The following FAM53A variants were observed in gnomAD, a reference collection of about 807,000 sequenced individuals.
FAM53A encodes protein FAM53A.
A neutral mutation model predicts 26.6 loss-of-function variants in FAM53A; 28 were observed. That is an observed-to-expected ratio of 1.05 (90% CI 0.78 to 1.45). FAM53A has a LOEUF of 1.45. Ranked by LOEUF, FAM53A falls within the 40% of genes most tolerant of loss-of-function variation. The pLI is 0.00. For synonymous variants in FAM53A, 290 were observed against 253.1 expected (o/e 1.15, Z -1.38); for missense variants, 650 against 575.8 (o/e 1.13, Z -1.32).
chr4:1,676,056 A>C (rs932936354), intron 1 of FAM53A, among the ~76,000 whole-genome samples: 1 of 152,260 alleles, frequency 6.6e-6, no homozygotes, highest in African/African-American at 2.4e-5. Context: ...TCTGTGTTTT[A>C]ATTTAATTCG....
intron 1 of FAM53A, among the ~76,000 whole-genome samples, chr4:1,633,901 T>TG (rs1715722477): frequency 6.6e-6 from 1 of 151,900 alleles, no homozygotes. Context: ...GGGGCATGAC[T>TG]GGGGGGTCTG....
At position 1,678,495 on chromosome 4, in the gene FAM53A, A is replaced by G. The variant is rs146294568; in HGVS notation, c.-165+5738T>C. 1.1e-3 allele frequency among the ~76,000 whole-genome samples: 167 copies of G among 152,332 alleles called. 1 individual carries two copies. The highest frequency in any genetic ancestry group is 3.7e-3 in the African/African-American group (155 of 41,564). On this transcript the variant is annotated intron_variant, in intron 1 of 4. Transcript: ENST00000308132. ...ATAGAGAACAGAGAGTCTTTTCAACAAGTGCTGCTGAAAAACTAGACATCC... is the reference window on the plus strand; with the variant it reads ...ATAGAGAACAGAGAGTCTTTTCAACGAGTGCTGCTGAAAAACTAGACATCC...
rs192164064 is a variant in FAM53A at position 1,619,882 on chromosome 4, G to T, written c.432-1771C>A. 1.0e-3 allele frequency among the ~76,000 whole-genome samples: 153 copies of T among 152,260 alleles called. 1 individual carries two copies. Among genetic ancestry groups the T allele is most frequent in the East Asian group, 3.9e-3 (20 of 5,176 alleles). ...GCGATCATCTAAGCTGTCCTCTCTC[G>T]CCTCATGGTCTCCACATTTCCTTAT... On this transcript the variant is annotated intron_variant, in intron 1 of 1. Transcript: ENST00000489029.
At chr4:1,681,506 G>C (rs559100952) in intron 1 of FAM53A, among the ~76,000 whole-genome samples, 1 of 150,358 alleles carries the variant, frequency 6.7e-6, no homozygotes, top group Non-Finnish European at 1.5e-5. Context: ...ACCCAACAAA[G>C]GAGAAGAAAC....
intron 2 of FAM53A, among the ~76,000 whole-genome samples, chr4:1,663,072 G>A (rs926526211): frequency 6.6e-6 from 1 of 152,206 alleles, no homozygotes; most frequent in Middle Eastern, 3.4e-3. Context: ...GGTGGCATGC[G>A]CCTGTAGTCC....
rs75539803 is a variant in FAM53A at position 1,674,367 on chromosome 4, A to G, written c.-164-5462T>C. Among the ~76,000 whole-genome samples, 964 of 152,262 alleles carry G rather than the reference A, an allele frequency of 6.3e-3. 13 individuals are homozygous for G. Among genetic ancestry groups the G allele is most frequent in the African/African-American group, 0.022 (917 of 41,546 alleles). On this transcript the variant is annotated intron_variant, in intron 1 of 4. Coordinates refer to ENST00000308132, the MANE Select transcript of FAM53A (RefSeq NM_001174070.3). ...TAATCATATGACTTCATCTTAATGT[A>G]CATTAATTGCAAAAGCATCTGGCCG...
At chr4:1,645,689 C>G (rs1362803287) in intron 4 of FAM53A, among the ~76,000 whole-genome samples, 1 of 152,204 alleles carries the variant, frequency 6.6e-6, no homozygotes, top group East Asian at 1.9e-4. Context: ...AGCAGTGCGC[C>G]CCCTGCCCAG....
chr4:1,672,972 G>A (rs1714789523), intron 1 of FAM53A, among the ~76,000 whole-genome samples: 1 of 152,096 alleles, frequency 6.6e-6, no homozygotes, highest in Admixed American at 6.6e-5. Context: ...ATTTCGCCAT[G>A]TTGGCCAGGC....
At chr4:1,587,083 GTTAT>G in the FAM53A span, among the ~76,000 whole-genome samples, 18 of 152,228 alleles carry the variant, frequency 1.2e-4, no homozygotes, top group South Asian at 3.3e-3. Flanking sequence ...TTTCAATCAG[GTTAT>G]TTGTTTTCCT....
chr4:1,625,880 T>C (rs115419637), intron 1 of FAM53A, among the ~76,000 whole-genome samples: 5,461 of 152,230 alleles, frequency 0.036, 275 homozygotes, highest in African/African-American at 0.12. Flanking sequence ...GCACAGGTCA[T>C]GTCTGGGCAG....
downstream of FAM53A, among the ~76,000 whole-genome samples, chr4:1,615,663 C>T (rs559203650): frequency 1.0e-3 from 151 of 151,464 alleles, no homozygotes; most frequent in African/African-American, 3.5e-3. Flanking sequence ...CACGCCCATC[C>T]CACCTGGGCG....
chr4:1,625,078 A>AG (rs1375543700), intron 1 of FAM53A, among the ~76,000 whole-genome samples: 3 of 115,402 alleles, frequency 2.6e-5, no homozygotes, highest in Admixed American at 8.7e-5. Flanking sequence ...CCACGTGGTC[A>AG]GGGTCACGCC....
Position 1,644,064 on chromosome 4 carries a change from C to G in FAM53A, c.883-2457G>C, listed in dbSNP as rs924323513. 12 of 1,307,930 alleles carry G rather than the reference C, an allele frequency of 9.2e-6. No individual in the cohort carries two copies. In the Admixed American group the frequency reaches 3.0e-4, roughly 32 times the overall value. 81.0% of individuals were successfully genotyped at this position (1,307,930 alleles called of 1,614,324 possible). Reference sequence around the variant, plus strand: ...CGTGGAGGTCCGGGTCTCACCAGCTCGGTCTGGTGTCACCCGTGACCTTGC... The same window carrying G: ...CGTGGAGGTCCGGGTCTCACCAGCTGGGTCTGGTGTCACCCGTGACCTTGC... On this transcript the variant is annotated intron_variant, in intron 4 of 4. Coordinates refer to ENST00000308132, the MANE Select transcript of FAM53A (RefSeq NM_001174070.3).
At chr4:1,600,929 C>G in the FAM53A span, among the ~76,000 whole-genome samples, 3 of 152,214 alleles carry the variant, frequency 2.0e-5, no homozygotes, top group Non-Finnish European at 4.4e-5. Context: ...TTAGGCTCGA[C>G]GTCTGGGACA....
intron 4 of FAM53A, among the ~76,000 whole-genome samples, 154 bp downstream of exon 4, chr4:1,654,824 C>T (rs1194359147): frequency 6.6e-6 from 1 of 152,234 alleles, no homozygotes; most frequent in African/African-American, 2.4e-5. Flanking sequence ...CGCTCCCACG[C>T]ACTCCAGATG....
At chr4:1,682,264 C>CT (rs3993306) in intron 1 of FAM53A, among the ~76,000 whole-genome samples, 44,066 of 130,260 alleles carry the variant, frequency 0.34, 8,862 homozygotes, top group South Asian at 0.47. Flanking sequence ...TTTTAATTTC[C>CT]TTTTTTTTTT....
intron 1 of FAM53A, among the ~76,000 whole-genome samples, chr4:1,624,355 C>CA (rs1374203073): frequency 6.6e-6 from 1 of 152,182 alleles, no homozygotes; most frequent in African/African-American, 2.4e-5. Flanking sequence ...ATCCCTGCTT[C>CA]ATAGTGGAGA....
chr4:1,605,261 T>A, the FAM53A span, among the ~76,000 whole-genome samples: 1 of 152,170 alleles, frequency 6.6e-6, no homozygotes, highest in Non-Finnish European at 1.5e-5. This position sits in a 1 kb window ranked among gnomAD's most constrained non-coding sequence, Gnocchi z 5.7. Flanking sequence ...CAGCGCGGCC[T>A]CAGCTGGGAC....
In FAM53A at chr4:1,659,339, C is replaced by T. The variant is rs368873357; in HGVS notation, c.76-1871G>A. Among the ~76,000 whole-genome samples, 986 of 152,364 alleles carry T rather than the reference C, an allele frequency of 6.5e-3. 11 individuals carry two copies. Among genetic ancestry groups the T allele is most frequent in the African/African-American group, 0.022 (927 of 41,586 alleles). ...TGTCGATCCTCCCAGCCCCGGGCCT[C>T]CCCGCAGCAAGCACCAGGACCTCGC... is the stretch of plus-strand genomic sequence containing the variant. On this transcript the variant is annotated intron_variant, in intron 2 of 4. Transcript: ENST00000308132. This position sits in a 1 kb window ranked among gnomAD's most constrained non-coding sequence, Gnocchi z 5.2.
Sources: allele counts gnomAD v4.1 joint callset (sites outside exome capture counted in the v4.1 genomes callset), GRCh38; gene constraint gnomAD v4.1.1; non-coding constraint Gnocchi (gnomAD v3.1); transcripts MANE v1.5; gene names NCBI Gene and HGNC (gene_info 2026-07-23, HGNC 2026-07-21).